DYM: variants seen among roughly 807,000 people sequenced by gnomAD.
DYM encodes dyggve-Melchior-Clausen syndrome protein.
A neutral mutation model predicts 93.1 loss-of-function variants in DYM; 78 were observed. That is an observed-to-expected ratio of 0.84 (90% CI 0.70 to 1.01). DYM has a LOEUF of 1.01. DYM is among the 50% of genes least tolerant of loss of function. The pLI is 0.00. For synonymous variants in DYM, 321 were observed against 319.7 expected, an observed-to-expected ratio of 1.00 and a Z score of -0.04; for missense variants, 789 against 845.0, an observed-to-expected ratio of 0.93 and a Z score of 0.82.
At chr18:49,378,220 AATG>A (rs1263704995) in intron 5 of DYM, among the ~76,000 whole-genome samples, 1 of 152,232 alleles carries the variant, frequency 6.6e-6, no homozygotes, top group East Asian at 1.9e-4. Flanking sequence ...TTGACTTGGC[AATG>A]ATATTTAAAA....
rs542342165 is a variant in DYM at position 49,371,636 on chromosome 18, T to C, written c.421+6931A>G. Among the ~76,000 whole-genome samples, 15 of 152,314 alleles carry C rather than the reference T, an allele frequency of 9.8e-5. No individual in the cohort carries two copies. The East Asian group carries it at 2.9e-3, about 29-fold the overall frequency. On this transcript the variant is annotated intron_variant, in intron 5 of 17. Coordinates refer to ENST00000675505, the MANE Select transcript of DYM (RefSeq NM_001353214.3). ...AATATCAGTATTACCTTGGCAAGAA[T>C]GGGGTATAATACCAAGCCAGAGGAA...
At chr18:49,128,537 C>T (rs2083054029) in intron 15 of DYM, among the ~76,000 whole-genome samples, 2 of 152,056 alleles carry the variant, frequency 1.3e-5, no homozygotes, top group Admixed American at 1.3e-4. Flanking sequence ...TCCAGGAGTC[C>T]CAGCACTGCC....
rs780916683 is a variant in DYM, at chr18:49,040,731, G to A, written c.*3324C>T. The stretch of plus-strand genomic sequence containing the variant: ...CCTTGCAGAGACTCCAGCCTATGAA[G>A]TATCAGCAAGTGCCAAAAATTTATG... On this transcript the variant is annotated 3_prime_UTR_variant, in exon 18 of 18. Coordinates refer to ENST00000675505, the MANE Select transcript of DYM (RefSeq NM_001353214.3). 3.3e-5 allele frequency among the ~76,000 whole-genome samples: 5 copies of A among 152,208 alleles called. No individual in the cohort carries two copies. The highest frequency in any genetic ancestry group is 7.3e-5 in the Non-Finnish European group (5 of 68,048).
intron 14 of DYM, among the ~76,000 whole-genome samples, chr18:49,183,574 T>C (rs2090132751): frequency 6.6e-6 from 1 of 152,178 alleles, no homozygotes; most frequent in Non-Finnish European, 1.5e-5. Flanking sequence ...TTCAAGTTAA[T>C]TATATACATT....
At chr18:49,436,228 C>G (rs1600235376) in intron 1 of DYM, among the ~76,000 whole-genome samples, 1 of 152,196 alleles carries the variant, frequency 6.6e-6, no homozygotes, top group African/African-American at 2.4e-5. Flanking sequence ...GTTGCTGAGG[C>G]TAATCTCAAT....
At chr18:49,282,306 T>C in intron 9 of DYM, 131 bp from the exon 10 acceptor site, 1 of 994,754 alleles carries the variant, frequency 1.0e-6, no homozygotes, top group Non-Finnish European at 1.5e-6. Flanking sequence ...AGATTCAAAA[T>C]TTTAATTTAT....
intron 5 of DYM, chr18:49,368,727 A>G (rs1163527628): frequency 6.6e-6 from 1 of 152,228 alleles, no homozygotes; most frequent in Non-Finnish European, 1.5e-5. Context: ...AGCTGGTTTC[A>G]CAGGACTCAC....
intron 2 of DYM, among the ~76,000 whole-genome samples, chr18:49,424,585 T>C (rs557386519): frequency 1.3e-5 from 2 of 152,048 alleles, no homozygotes; most frequent in Non-Finnish European, 2.9e-5. Flanking sequence ...GATATTCAAT[T>C]AGGAAAAGAG....
At chr18:49,450,238 C>A (rs375027195) in intron 1 of DYM, among the ~76,000 whole-genome samples, 1 of 152,160 alleles carries the variant, frequency 6.6e-6, no homozygotes, top group South Asian at 2.1e-4. Flanking sequence ...TGTCTTAAGA[C>A]ACTAATCTGC....
intron 13 of DYM, among the ~76,000 whole-genome samples, chr18:49,249,205 G>C (rs1040019460): frequency 1.3e-5 from 2 of 152,240 alleles, no homozygotes; most frequent in Middle Eastern, 6.8e-3. Context: ...CAATACCCTC[G>C]ACTGTCTAAA....
At chr18:49,260,657 T>C (rs896777591) in intron 11 of DYM, among the ~76,000 whole-genome samples, 2 of 152,268 alleles carry the variant, frequency 1.3e-5, no homozygotes, top group East Asian at 3.9e-4. Context: ...CAGAAGAACA[T>C]GTTACCACCA....
chr18:49,434,187 A>C (rs1348094428), intron 1 of DYM, among the ~76,000 whole-genome samples: 1 of 152,080 alleles, frequency 6.6e-6, no homozygotes, highest in African/African-American at 2.4e-5. Context: ...CTACTAAAAT[A>C]CAAAAAAAAA....
chr18:49,253,491 A>G (rs531000077), intron 13 of DYM, among the ~76,000 whole-genome samples: 8 of 152,364 alleles, frequency 5.3e-5, no homozygotes, highest in Middle Eastern at 3.4e-3. Context: ...TTCCAGGCCA[A>G]AACTCAAAAG....
intron 1 of DYM, among the ~76,000 whole-genome samples, chr18:49,448,456 A>C (rs1943675): frequency 6.6e-6 from 1 of 151,966 alleles, no homozygotes; most frequent in Non-Finnish European, 1.5e-5. Flanking sequence ...TCCATTTTTC[A>C]GGAAGCCAGG....
intron 3 of DYM, among the ~76,000 whole-genome samples, chr18:49,389,063 G>A (rs767594006): frequency 7.2e-5 from 11 of 152,100 alleles, no homozygotes; most frequent in Middle Eastern, 3.2e-3. Flanking sequence ...AGAGGTTCCT[G>A]ACATGTTGCT....
At chr18:49,450,672 G>T (rs189566568) in intron 1 of DYM, among the ~76,000 whole-genome samples, 5 of 152,138 alleles carry the variant, frequency 3.3e-5, no homozygotes, top group African/African-American at 1.2e-4. Context: ...TTGCCAAAAC[G>T]ATGTCCAATC....
At chr18:49,093,138 G>T (rs1320542020) in intron 17 of DYM, 1 of 152,138 alleles carries the variant, frequency 6.6e-6, no homozygotes, top group Non-Finnish European at 1.5e-5. Flanking sequence ...TGTGCCATAG[G>T]AATGTGGAGA....
chr18:49,192,375 T>C (rs1165865816), intron 14 of DYM, among the ~76,000 whole-genome samples: 1 of 152,178 alleles, frequency 6.6e-6, no homozygotes, highest in Non-Finnish European at 1.5e-5. Context: ...GCTTTTCTCC[T>C]ATGTTTTCTT....
chr18:49,303,554 A>C (rs1303524816), intron 8 of DYM, among the ~76,000 whole-genome samples: 1 of 152,156 alleles, frequency 6.6e-6, no homozygotes, highest in Non-Finnish European at 1.5e-5. Context: ...GGAATGATTA[A>C]AAGCTGGTCA....
Sources: allele counts gnomAD v4.1 joint callset (sites outside exome capture counted in the v4.1 genomes callset), GRCh38; gene constraint gnomAD v4.1.1; transcripts MANE v1.5; gene names NCBI Gene and HGNC (gene_info 2026-07-23, HGNC 2026-07-21).